PIK3C2A: variants seen among roughly 807,000 people sequenced by gnomAD.
PIK3C2A encodes the protein phosphatidylinositol-4-phosphate 3-kinase catalytic subunit type 2 alpha.
Under a neutral mutation model 204.5 loss-of-function variants are expected in PIK3C2A, and 97 were observed. That is an observed-to-expected ratio of 0.47 (90% CI 0.40 to 0.56). The LOEUF is 0.56. Among genes scored for constraint, PIK3C2A ranks in the 20% least tolerant of loss-of-function variants. PIK3C2A has a pLI of 0.00. For synonymous variants in PIK3C2A, 653 were observed against 664.4 expected, an observed-to-expected ratio of 0.98 and a Z score of 0.26; for missense variants, 1,735 against 1,969.2, an observed-to-expected ratio of 0.88 and a Z score of 2.25.
At chr11:17,125,219 T>G (rs990352441) in intron 13 of PIK3C2A, among the ~76,000 whole-genome samples, 1 of 152,144 alleles carries the variant, frequency 6.6e-6, no homozygotes, top group Non-Finnish European at 1.5e-5. Context: ...GATCACTGCT[T>G]ACATCAATGG....
At chr11:17,131,656 C>T (rs902270108) in intron 12 of PIK3C2A, among the ~76,000 whole-genome samples, 18 of 152,272 alleles carry the variant, frequency 1.2e-4, no homozygotes, top group African/African-American at 3.1e-4. Context: ...CTCCTGACCT[C>T]ATGATCCGCC....
chr11:17,181,185 T>C (rs1016952595), intron 1 of PIK3C2A, among the ~76,000 whole-genome samples: 2 of 152,124 alleles, frequency 1.3e-5, no homozygotes, highest in African/African-American at 4.8e-5. Context: ...AGGGTTTTAA[T>C]GGAGGCTTCA....
chr11:17,140,646 G>A (rs1850033286), intron 8 of PIK3C2A, among the ~76,000 whole-genome samples: 1 of 152,224 alleles, frequency 6.6e-6, no homozygotes, highest in Non-Finnish European at 1.5e-5. Flanking sequence ...GTCTGGGGCT[G>A]AGGCTGGGAG....
Position 17,193,352 on chromosome 11 carries a change from G to A in PIK3C2A, c.-66+14496C>T, listed in dbSNP as rs180861176. The A allele has an allele frequency of 2.8e-3, 473 of 168,766 alleles. 3 individuals carry two copies. The highest frequency in any genetic ancestry group is 8.8e-3 in the Middle Eastern group (3 of 342). 10.5% of individuals were successfully genotyped at this position (168,766 alleles called of 1,614,324 possible). A position where few individuals can be genotyped will look rare whatever the true frequency, so the allele number is the denominator to read the frequency against. On this transcript the variant is annotated intron_variant, in intron 1 of 32. Coordinates refer to ENST00000691414, the MANE Select transcript of PIK3C2A (RefSeq NM_002645.4). ...CCTGAAGAATATTTCCTTAGAAATC[G>A]GCTTTGTTATCCCACTAAGTTTTAT...
intron 5 of PIK3C2A, 148 bp from the exon 6 acceptor site, chr11:17,147,776 G>T (rs1055067199): frequency 1.1e-4 from 63 of 572,398 alleles, no homozygotes; most frequent in Non-Finnish European, 1.5e-4. Flanking sequence ...TTTAAACAGA[G>T]AAATTATTCT....
intron 2 of PIK3C2A, among the ~76,000 whole-genome samples, chr11:17,163,569 C>G (rs1481507984): frequency 6.6e-6 from 1 of 151,818 alleles, no homozygotes; most frequent in Non-Finnish European, 1.5e-5. Context: ...CAGCGTGCAT[C>G]ACCACACACA....
At chr11:17,200,105 G>A (rs1043237165) in intron 1 of PIK3C2A, among the ~76,000 whole-genome samples, 2 of 151,852 alleles carry the variant, frequency 1.3e-5, no homozygotes, top group African/African-American at 4.8e-5. Context: ...AGAATCGCTT[G>A]AACCCAGGAG....
At position 17,089,679 on chromosome 11, in the gene PIK3C2A, G is replaced by T. The variant is rs936702097; in HGVS notation, c.*59C>A. On this transcript the variant is annotated 3_prime_UTR_variant, in exon 33 of 33. Coordinates refer to ENST00000691414, the MANE Select transcript of PIK3C2A (RefSeq NM_002645.4). ...TGTGTGTGTGTGTCTGTGTGTGTGT[G>T]CATGTATGCATGCACGTTTATAACT... 2.5e-5 allele frequency: 25 copies of T among 986,050 alleles called. No homozygotes were observed. Among genetic ancestry groups the T allele is most frequent in the Non-Finnish European group, 3.8e-5 (24 of 630,622 alleles). The allele number at this position is 986,050 out of a possible 1,614,324, so 61.1% of individuals were successfully genotyped here. A position where few individuals can be genotyped will look rare whatever the true frequency, so the allele number is the denominator to read the frequency against.
intron 1 of PIK3C2A, among the ~76,000 whole-genome samples, chr11:17,198,742 C>T (rs952404244): frequency 2.0e-5 from 3 of 151,778 alleles, no homozygotes; most frequent in Non-Finnish European, 4.4e-5. Flanking sequence ...TACTGCATTA[C>T]GATTGTCTCT....
At chr11:17,134,456 G>A (rs1394722506) in intron 11 of PIK3C2A, among the ~76,000 whole-genome samples, 1 of 152,082 alleles carries the variant, frequency 6.6e-6, no homozygotes, top group African/African-American at 2.4e-5. Context: ...CCACCTCCTG[G>A]GTCCAAGTGA....
intron 22 of PIK3C2A, among the ~76,000 whole-genome samples, chr11:17,106,233 A>G (rs1331625032): frequency 6.6e-6 from 1 of 151,840 alleles, no homozygotes; most frequent in Non-Finnish European, 1.5e-5. Context: ...CCAACATAGC[A>G]AAACCCCACC....
intron 32 of PIK3C2A, 22 bp from the exon 33 acceptor site, chr11:17,089,942 C>T: frequency 1.3e-6 from 2 of 1,495,408 alleles, no homozygotes; most frequent in Non-Finnish European, 9.1e-7. Flanking sequence ...GAAAAAAGAA[C>T]AGTAAATCAC....
At chr11:17,095,707 C>T (rs975636438) in intron 27 of PIK3C2A, among the ~76,000 whole-genome samples, 13 of 151,970 alleles carry the variant, frequency 8.6e-5, no homozygotes, top group African/African-American at 1.2e-4. Flanking sequence ...GCCAGGAATT[C>T]GCCTGGCCAT....
In PIK3C2A at chr11:17,136,540, G is replaced by T; in HGVS notation, c.1790C>A (p.Thr597Lys). The change falls in exon 9 of 33, where the codon ACA (threonine) becomes AAA (lysine). Residue 597 changes from threonine (T) to lysine (K), a missense_variant. Transcript: ENST00000691414. ...TCTCTTTAGCTTCTTTACTGATTCT[G>T]TAATGGCAAGAGTCTCGACACCATC... is the stretch of plus-strand genomic sequence containing the variant. ...ALDGVETLAI[T>K]ESVKKLKRAV... is the part of the protein sequence containing the mutation. 1 of 1,606,572 alleles carries T rather than the reference G, an allele frequency of 6.2e-7. No homozygotes were observed. Among genetic ancestry groups the T allele is most frequent in the Non-Finnish European group, 8.5e-7 (1 of 1,173,444 alleles).
intron 11 of PIK3C2A, 47 bp from the exon 12 acceptor site, chr11:17,132,085 T>C (rs760698081): frequency 1.8e-6 from 2 of 1,130,146 alleles, no homozygotes; most frequent in African/African-American, 1.6e-5. Flanking sequence ...TAATACAAAT[T>C]AGTTAACTAA....
chr11:17,151,099 C>T (rs1350075475), intron 3 of PIK3C2A, among the ~76,000 whole-genome samples: 1 of 152,116 alleles, frequency 6.6e-6, no homozygotes, highest in African/African-American at 2.4e-5. Flanking sequence ...GGACCTTTTT[C>T]GTACAAACAT....
At chr11:17,196,195 T>A (rs762334532) in intron 1 of PIK3C2A, among the ~76,000 whole-genome samples, 12 of 152,188 alleles carry the variant, frequency 7.9e-5, no homozygotes, top group Non-Finnish European at 1.6e-4. Context: ...AATCTCCATC[T>A]ATCAATAAAA....
In PIK3C2A at chr11:17,089,002, C is replaced by T. The variant is rs951911134; in HGVS notation, c.*736G>A. 1 of 152,166 alleles carries T rather than the reference C, an allele frequency of 6.6e-6. No individual in the cohort carries two copies. Among genetic ancestry groups the T allele is most frequent in the African/African-American group, 2.4e-5 (1 of 41,438 alleles). 9.4% of individuals were successfully genotyped at this position (152,166 alleles called of 1,614,324 possible). ...TTTTTTTGTGGGAAAAACATTAGTA[C>T]ATGTACATAATTTCTTGTCTTTAGT... On this transcript the variant is annotated 3_prime_UTR_variant, in exon 33 of 33. Transcript: ENST00000691414.
chr11:17,160,006 C>A (rs1274309350), intron 2 of PIK3C2A, among the ~76,000 whole-genome samples: 3 of 152,198 alleles, frequency 2.0e-5, no homozygotes, highest in Non-Finnish European at 4.4e-5. Flanking sequence ...TTTGCTTTAT[C>A]CAGCTGACCA....
Sources: gnomAD v4.1 joint callset for allele counts (sites outside exome capture counted in the v4.1 genomes callset) on GRCh38, gnomAD v4.1.1 for gene constraint, MANE v1.5 for transcripts, NCBI Gene and HGNC (gene_info 2026-07-23, HGNC 2026-07-21) for gene names.